Variants in CDK14 observed in about 807,000 individuals in gnomAD.
The protein encoded by CDK14 is cyclin-dependent kinase 14.
In CDK14, 34 loss-of-function variants were observed where a neutral mutation model predicts 60.7. The observed-to-expected ratio is 0.56, with a 90% confidence interval of 0.43 to 0.75. CDK14 has a LOEUF of 0.75. Among genes scored for constraint, CDK14 ranks in the 30% least tolerant of loss-of-function variants. The pLI is 0.00. For missense variants in CDK14, 482 were observed against 564.1 expected (o/e 0.85, Z 1.47); for synonymous variants, 197 against 203.7 (o/e 0.97, Z 0.28).
intron 12 of CDK14, among the ~76,000 whole-genome samples, chr7:91,089,078 T>C (rs1798727214): frequency 6.6e-6 from 1 of 152,178 alleles, no homozygotes; most frequent in African/African-American, 2.4e-5. Context: ...GATTAAACTT[T>C]TAGGGATAAA....
chr7:91,093,484 A>C (rs1013471947), intron 12 of CDK14, among the ~76,000 whole-genome samples: 2 of 152,162 alleles, frequency 1.3e-5, no homozygotes, highest in Non-Finnish European at 2.9e-5. Context: ...AACACAGCAA[A>C]ACACAGTTAC....
intron 5 of CDK14, 99 bp downstream of exon 5, chr7:90,790,751 C>A: frequency 4.3e-6 from 3 of 692,852 alleles, no homozygotes; most frequent in South Asian, 2.0e-5. Context: ...TTTAAAATTA[C>A]AGGATTGTAT....
intron 2 of CDK14, chr7:90,710,008 C>T (rs1490389948): frequency 1.1e-6 from 1 of 946,900 alleles, no homozygotes; most frequent in East Asian, 1.0e-4. Flanking sequence ...TTTGGAGCAT[C>T]TCGGCAAGTC....
chr7:90,818,928 A>G (rs2117070261), intron 5 of CDK14, among the ~76,000 whole-genome samples: 1 of 151,894 alleles, frequency 6.6e-6, no homozygotes, highest in African/African-American at 2.4e-5. Flanking sequence ...ATAATTTGTT[A>G]CTGAAACTTT....
chr7:90,685,510 TTC>T (rs1327112854), intron 2 of CDK14, among the ~76,000 whole-genome samples: 2 of 152,008 alleles, frequency 1.3e-5, no homozygotes, highest in African/African-American at 4.8e-5. Context: ...TAGAGTCTTG[TTC>T]TGTCACCCAG....
At chr7:90,816,604 T>G (rs141058733) in intron 5 of CDK14, among the ~76,000 whole-genome samples, 1 of 152,268 alleles carries the variant, frequency 6.6e-6, no homozygotes, top group Non-Finnish European at 1.5e-5. Flanking sequence ...AAAGAGGAGA[T>G]ATAACAAGAT....
intron 10 of CDK14, among the ~76,000 whole-genome samples, chr7:91,005,971 A>G (rs781270528): frequency 1.3e-5 from 2 of 152,230 alleles, no homozygotes; most frequent in African/African-American, 4.8e-5. Flanking sequence ...TCGGTTCATA[A>G]AGACACCCAG....
chr7:90,881,587 C>A (rs1791755440), intron 6 of CDK14, among the ~76,000 whole-genome samples: 1 of 152,130 alleles, frequency 6.6e-6, no homozygotes, highest in Admixed American at 6.5e-5. Flanking sequence ...ATACAGAGAA[C>A]ACCACTAAGA....
In CDK14 at chr7:90,804,186, G is replaced by A. The variant is rs182732165; in HGVS notation, c.544+13534G>A. Among the ~76,000 whole-genome samples the A allele has an allele frequency of 9.8e-5, 15 of 152,306 alleles. No individual in the cohort carries two copies. In the East Asian group the frequency reaches 2.5e-3, roughly 25 times the overall value. ...CTGGAAATTTTTCAGTCTTGATGGA[G>A]ACTGTGCCCCTAGCTATGTGATCAT... On this transcript the variant is annotated intron_variant, in intron 5 of 14. Transcript: ENST00000380050.
Position 91,191,623 on chromosome 7 carries a change from G to T in CDK14, c.*29-15542G>T, listed in dbSNP as rs186164170. ...TACCACAAACTGTGTTCAGATGGGG[G>T]GGTGGGATGTGTTTATGTTTGCGTG... On this transcript the variant is annotated intron_variant, in intron 14 of 14. Transcript: ENST00000380050. 2.6e-5 allele frequency among the ~76,000 whole-genome samples: 4 copies of T among 151,884 alleles called. No individual in the cohort carries two copies. In the East Asian group the frequency reaches 7.8e-4, roughly 30 times the overall value.
chr7:90,973,581 A>C (rs1794987719), intron 9 of CDK14, among the ~76,000 whole-genome samples: 1 of 152,194 alleles, frequency 6.6e-6, no homozygotes, highest in Non-Finnish European at 1.5e-5. Flanking sequence ...ATTTCAACGT[A>C]GGTTCTTTCT....
At chr7:90,765,844 T>G (rs1173269357) in intron 4 of CDK14, among the ~76,000 whole-genome samples, 1 of 152,146 alleles carries the variant, frequency 6.6e-6, no homozygotes, top group African/African-American at 2.4e-5. Flanking sequence ...AAGGAGTCAG[T>G]AGAAAGAGAA....
chr7:91,026,435 C>G (rs997664510), intron 10 of CDK14, among the ~76,000 whole-genome samples: 1 of 152,108 alleles, frequency 6.6e-6, no homozygotes, highest in African/African-American at 2.4e-5. Flanking sequence ...TTAAAGTAAT[C>G]ACAAGACAGG....
At chr7:90,693,692 C>G (rs1240255204) in intron 2 of CDK14, among the ~76,000 whole-genome samples, 1 of 152,162 alleles carries the variant, frequency 6.6e-6, no homozygotes, top group Admixed American at 6.5e-5. Flanking sequence ...GACAGAACAT[C>G]TACTTAGTCA....
At chr7:90,687,309 C>A (rs146430028) in intron 2 of CDK14, among the ~76,000 whole-genome samples, 1 of 151,892 alleles carries the variant, frequency 6.6e-6, no homozygotes, top group Non-Finnish European at 1.5e-5. Flanking sequence ...ATTTATTAAC[C>A]GAGCAGAGTT....
rs567231149 is a variant in CDK14 at position 90,784,031 on chromosome 7, T to A, written c.465-6542T>A. Among the ~76,000 whole-genome samples the A allele has an allele frequency of 1.4e-4, 22 of 152,262 alleles. No homozygotes were observed. In the Middle Eastern group the frequency reaches 0.014, roughly 94 times the overall value. On this transcript the variant is annotated intron_variant, in intron 4 of 14. Coordinates refer to ENST00000380050, the MANE Select transcript of CDK14 (RefSeq NM_001287135.2). ...AAGGTATGGAATCAGCTTACAAGTG[T>A]CCGTCAGTGGATGAATGGATGAGGA...
At chr7:90,899,565 T>C (rs1792436831) in intron 7 of CDK14, among the ~76,000 whole-genome samples, 1 of 152,142 alleles carries the variant, frequency 6.6e-6, no homozygotes, top group African/African-American at 2.4e-5. Context: ...AATATTTAGA[T>C]CTCATCTTAT....
At chr7:90,752,004 A>G (rs1027360975) in intron 4 of CDK14, among the ~76,000 whole-genome samples, 7 of 152,242 alleles carry the variant, frequency 4.6e-5, no homozygotes, top group Non-Finnish European at 7.3e-5. Flanking sequence ...TATGCATGCA[A>G]CATTGGAACA....
intron 4 of CDK14, among the ~76,000 whole-genome samples, chr7:90,755,512 A>C (rs1804018787): frequency 6.6e-6 from 1 of 152,184 alleles, no homozygotes; most frequent in Admixed American, 6.5e-5. Context: ...TTTGGGTACT[A>C]TACTTACTAC....
Sources: gnomAD v4.1 joint callset for allele counts (sites outside exome capture counted in the v4.1 genomes callset) on GRCh38, gnomAD v4.1.1 for gene constraint, MANE v1.5 for transcripts, NCBI Gene and HGNC (gene_info 2026-07-23, HGNC 2026-07-21) for gene names.